The following CD3D variants were observed in gnomAD, a reference collection of about 807,000 sequenced individuals.
CD3D encodes the protein T-cell surface glycoprotein CD3 delta chain.
In CD3D, 22 loss-of-function variants were observed where a neutral mutation model predicts 22.0. The ratio of observed to expected loss-of-function variants is 1.00; its 90% CI spans 0.71 to 1.43. The LOEUF (loss-of-function observed/expected upper bound fraction) is 1.43. Among genes scored for constraint, CD3D ranks in the 40% most tolerant of loss-of-function variants. The pLI, the probability that CD3D is intolerant of heterozygous loss-of-function variation, is 0.00. For missense variants in CD3D, 205 were observed against 211.7 expected (o/e 0.97, Z 0.20); for synonymous variants, 74 against 81.2 (o/e 0.91, Z 0.48).
rs138432657 is a variant in CD3D, at chr11:118,339,856, C to A, written c.325G>T (p.Val109Phe). The A allele has an allele frequency of 1.9e-6, 3 of 1,613,894 alleles. No homozygotes were observed. The African/African-American group carries it at 4.0e-5, about 22-fold the overall frequency. Residue 109 changes from valine to phenylalanine, a missense_variant, in exon 3 of 5, where the codon GTC becomes TTC. Transcript: ENST00000300692. Reference sequence around the variant, plus strand: ...AGCAGAGTGGCAATGACATCAGTGACAATGATGCCAGCCACGGTGGCTGGA... The same window carrying A: ...AGCAGAGTGGCAATGACATCAGTGAAAATGATGCCAGCCACGGTGGCTGGA... ...LDPATVAGIIVTDVIATLLLA... is the reference protein window; with the variant it reads ...LDPATVAGIIFTDVIATLLLA...
At chr11:118,341,599 C>T (rs1030836703) in intron 1 of CD3D, among the ~76,000 whole-genome samples, 2 of 152,190 alleles carry the variant, frequency 1.3e-5, no homozygotes, top group African/African-American at 4.8e-5. Context: ...AAATGCTTCA[C>T]GTCCTACAGT....
Position 118,342,615 on chromosome 11 carries a change from C to A in CD3D, c.-8G>T, listed in dbSNP as rs201539938. 2 of 1,613,084 alleles carry A rather than the reference C, an allele frequency of 1.2e-6. No individual in the cohort carries two copies. Among genetic ancestry groups the A allele is most frequent in the Non-Finnish European group, 8.5e-7 (1 of 1,179,236 alleles). ...AAACGTGCTATGTTCCATCTCCCAG[C>A]GGAACTCATCCAGTAGATAAAGCCA... On this transcript the variant is annotated 5_prime_UTR_variant, in exon 1 of 5. Coordinates refer to ENST00000300692, the MANE Select transcript of CD3D (RefSeq NM_000732.6).
chr11:118,340,867 C>T, intron 1 of CD3D: 3 of 624,338 alleles, frequency 4.8e-6, no homozygotes, highest in Non-Finnish European at 9.0e-6. Context: ...TTGACCCAAG[C>T]ACCTTCCTGG....
In CD3D at chr11:118,340,553, T is replaced by A; in HGVS notation, c.96A>T (p.Arg32Ser). The A allele has an allele frequency of 6.2e-7, 1 of 1,613,998 alleles. No individual in the cohort carries two copies. The highest frequency in any genetic ancestry group is 1.3e-5 in the African/African-American group (1 of 74,976). The change falls in exon 2 of 5, where the codon AGA becomes AGT. Residue 32 changes from arginine (R) to serine (S), a missense_variant. By Grantham distance (110) the Arg-to-Ser change is moderately radical (BLOSUM62 -1). Coordinates refer to ENST00000300692, the MANE Select transcript of CD3D (RefSeq NM_000732.6). ...FKIPIEELEDRVFVNCNTSIT... is the reference protein window; with the variant it reads ...FKIPIEELEDSVFVNCNTSIT... ...TGCTGGTATTGCAATTCACAAACAC[T>A]CTGTCCTCAAGTTCCTCTATAGGTA...
Position 118,339,410 on chromosome 11 carries a change from T to C in CD3D, c.450+41A>G, listed in dbSNP as rs1330941956. 36 of 1,609,066 alleles carry C rather than the reference T, an allele frequency of 2.2e-5. 1 individual carries two copies. The Admixed American group carries it at 4.0e-4, about 18-fold the overall frequency. ...CAGTGTGAGCCTCTCTATCCCCACT[T>C]ACCCTCCCTTCATTCCTGCCTCCTT... On this transcript the variant is annotated intron_variant, in intron 4 of 4. Coordinates refer to ENST00000300692, the MANE Select transcript of CD3D (RefSeq NM_000732.6).
chr11:118,342,313 G>A (rs1034365838), intron 1 of CD3D, among the ~76,000 whole-genome samples: 1 of 152,066 alleles, frequency 6.6e-6, no homozygotes, highest in Admixed American at 6.6e-5. Flanking sequence ...TGGGACTACA[G>A]TTGTGCACCA....
intron 3 of CD3D, 123 bp from the exon 4 acceptor site, chr11:118,339,617 C>A: frequency 6.4e-7 from 1 of 1,559,642 alleles, no homozygotes; most frequent in South Asian, 1.1e-5. Context: ...AGTCAAAGTT[C>A]TAGGAGTCTT....
chr11:118,339,495 C>A lies in CD3D; in HGVS notation c.407-1G>T. On this transcript the variant is annotated splice_acceptor_variant, in intron 3 of 4. Coordinates refer to ENST00000300692, the MANE Select transcript of CD3D (RefSeq NM_000732.6). LOFTEE classifies it high-confidence loss of function. ...CTCAACAGAGCTTGTGTGTCGGCAGCTAGAAGAACCAGAGAGAGACATCAA... is the reference window on the plus strand; with the variant it reads ...CTCAACAGAGCTTGTGTGTCGGCAGATAGAAGAACCAGAGAGAGACATCAA... 6.2e-7 allele frequency: 1 copy of A among 1,614,090 alleles called. No homozygotes were observed.
In CD3D at chr11:118,339,771, T is replaced by C; in HGVS notation, c.406+4A>G. The C allele has an allele frequency of 6.2e-7, 1 of 1,612,246 alleles. No individual in the cohort carries two copies. The highest frequency in any genetic ancestry group is 8.5e-7 in the Non-Finnish European group (1 of 1,179,556). ...ACACTCTCATGCTCTGCTCTTCCACTAACCCCCAGACAGCCTTCCAGTCTC... is the reference window on the plus strand; with the variant it reads ...ACACTCTCATGCTCTGCTCTTCCACCAACCCCCAGACAGCCTTCCAGTCTC... On this transcript the variant is annotated splice_donor_region_variant and intron_variant, in intron 3 of 4. Transcript: ENST00000300692.
intron 4 of CD3D, 66 bp from the exon 5 acceptor site, chr11:118,339,293 A>C: frequency 6.5e-7 from 1 of 1,533,320 alleles, no homozygotes; most frequent in East Asian, 2.2e-5. Context: ...GGGCCCCAGC[A>C]GGCCCTGACG....
intron 1 of CD3D, chr11:118,341,066 A>C (rs144040060): frequency 9.1e-5 from 38 of 417,354 alleles, no homozygotes; most frequent in African/African-American, 5.3e-4. Context: ...ATCCTTCCTC[A>C]TTGCCCCTGC....
At chr11:118,340,654 T>G in intron 1 of CD3D, 61 bp from the exon 2 acceptor site, 1 of 1,210,324 alleles carries the variant, frequency 8.3e-7, no homozygotes, top group Admixed American at 1.9e-5. Flanking sequence ...AGCCCTTTGT[T>G]CTGCGGAAGC....
rs1948277494 is a variant in CD3D, at chr11:118,339,286, C to T, written c.451-59G>A. 18 of 1,545,508 alleles carry T rather than the reference C, an allele frequency of 1.2e-5. No homozygotes were observed. The South Asian group carries it at 1.7e-4, about 14-fold the overall frequency. On this transcript the variant is annotated intron_variant, in intron 4 of 4. Coordinates refer to ENST00000300692, the MANE Select transcript of CD3D (RefSeq NM_000732.6). ...AGGGTTAGAACTCTTCAAGGAAGGG[C>T]CCCAGCAGGCCCTGACGATGAGAGC...
chr11:118,340,279 A>G (rs1948287565), intron 2 of CD3D, 96 bp downstream of exon 2: 2 of 983,000 alleles, frequency 2.0e-6, no homozygotes, highest in Non-Finnish European at 3.2e-6. Flanking sequence ...CTTTGTTTAG[A>G]GAACAGATGG....
At position 118,340,394 on chromosome 11, in the gene CD3D, G is replaced by A. The variant is rs200910273; in HGVS notation, c.255C>T (p.Thr85=). 2.5e-5 allele frequency: 41 copies of A among 1,613,646 alleles called. No individual in the cohort carries two copies. The highest frequency in any genetic ancestry group is 1.6e-4 in the Middle Eastern group (1 of 6,080). ...GTDIYKDKES[T]VQVHYRMCQS... The stretch of plus-strand genomic sequence containing the variant: ...ACGTACTTCGATAATGAACTTGCAC[G>A]GTAGATTCTTTGTCCTTGTATATAT... Residue 85 remains threonine, a synonymous_variant, in exon 2 of 5, where the codon ACC becomes ACT. Transcript: ENST00000300692.
chr11:118,342,116 C>T (rs952330692), intron 1 of CD3D, among the ~76,000 whole-genome samples: 2 of 152,140 alleles, frequency 1.3e-5, no homozygotes, highest in African/African-American at 4.8e-5. Context: ...CTACATCCTG[C>T]CCCTGCCCTC....
chr11:118,339,936 T>C (rs1438408794), intron 2 of CD3D, 30 bp from the exon 3 acceptor site: 1 of 1,612,702 alleles, frequency 6.2e-7, no homozygotes, highest in Non-Finnish European at 8.5e-7. Flanking sequence ...AGAGGAGAGG[T>C]TGAGAGCCTT....
Position 118,339,408 on chromosome 11 carries a change from C to T in CD3D, c.450+43G>A, listed in dbSNP as rs757050211. Reference sequence around the variant, plus strand: ...TTCAGTGTGAGCCTCTCTATCCCCACTTACCCTCCCTTCATTCCTGCCTCC... The same window carrying T: ...TTCAGTGTGAGCCTCTCTATCCCCATTTACCCTCCCTTCATTCCTGCCTCC... On this transcript the variant is annotated intron_variant, in intron 4 of 4. Transcript: ENST00000300692. 2.5e-6 allele frequency: 4 copies of T among 1,609,020 alleles called. No individual in the cohort carries two copies. The Admixed American group carries it at 5.0e-5, about 20-fold the overall frequency.
chr11:118,341,922 A>G (rs1184804380), intron 1 of CD3D, among the ~76,000 whole-genome samples: 3 of 152,230 alleles, frequency 2.0e-5, no homozygotes, highest in Non-Finnish European at 4.4e-5. Context: ...TCCAGAGGCC[A>G]TCAGGCCTAA....
Sources: allele counts gnomAD v4.1 joint callset (sites outside exome capture counted in the v4.1 genomes callset), GRCh38; gene constraint gnomAD v4.1.1; transcripts MANE v1.5; gene names NCBI Gene and HGNC (gene_info 2026-07-23, HGNC 2026-07-21).